Variants in SEMA3A observed in about 807,000 individuals in gnomAD.
The protein encoded by SEMA3A is semaphorin 3A, also known as semaphorin-3A.
A neutral mutation model predicts 97.9 loss-of-function variants in SEMA3A; 29 were observed. The observed-to-expected ratio is 0.30, with a 90% confidence interval of 0.22 to 0.40. SEMA3A has a LOEUF of 0.40. SEMA3A is among the 10% of genes least tolerant of loss of function. The pLI, the probability that SEMA3A is intolerant of heterozygous loss-of-function variation, is 1.00. For synonymous variants in SEMA3A, 321 were observed against 323.7 expected (o/e 0.99, Z 0.09); for missense variants, 763 against 951.3 (o/e 0.80, Z 2.60).
intron 1 of SEMA3A, among the ~76,000 whole-genome samples, chr7:84,383,218 TAATG>T (rs1370984280): frequency 1.3e-5 from 2 of 151,966 alleles, no homozygotes; most frequent in Admixed American, 6.6e-5. Context: ...AATTGAAAAA[TAATG>T]AATGATAGAG....
At chr7:84,177,121 T>A (rs1218879231) in intron 1 of SEMA3A, among the ~76,000 whole-genome samples, 1 of 152,082 alleles carries the variant, frequency 6.6e-6, no homozygotes, top group African/African-American at 2.4e-5. Context: ...CAAGAATCAC[T>A]TAAGTAAAAA....
At chr7:83,965,420 C>T (rs1788631428) in intron 15 of SEMA3A, among the ~76,000 whole-genome samples, 1 of 150,962 alleles carries the variant, frequency 6.6e-6, no homozygotes, top group Admixed American at 6.6e-5. Flanking sequence ...GTCTATTTTC[C>T]CAGGTAGAAA....
intron 2 of SEMA3A, among the ~76,000 whole-genome samples, chr7:84,313,203 GA>G (rs1456834818): frequency 2.1e-5 from 3 of 145,250 alleles, no homozygotes; most frequent in Non-Finnish European, 4.5e-5. Flanking sequence ...GATATTGCTA[GA>G]AAAGTTCCAA....
chr7:84,238,486 G>A (rs926253262), intron 3 of SEMA3A, among the ~76,000 whole-genome samples: 1 of 152,062 alleles, frequency 6.6e-6, no homozygotes, highest in Non-Finnish European at 1.5e-5. Flanking sequence ...CTCCAAACTT[G>A]TGGTTTAAAG....
intron 1 of SEMA3A, among the ~76,000 whole-genome samples, chr7:84,470,352 A>T (rs1806114484): frequency 6.6e-6 from 1 of 152,128 alleles, no homozygotes; most frequent in Non-Finnish European, 1.5e-5. Flanking sequence ...AATCAAAAAT[A>T]TATTTTATTC....
intron 5 of SEMA3A, among the ~76,000 whole-genome samples, chr7:84,051,002 C>T (rs1792608473): frequency 6.6e-6 from 1 of 151,704 alleles, no homozygotes; most frequent in Admixed American, 6.6e-5. Context: ...TCAGGTTTGT[C>T]AAAGATCAGA....
chr7:84,268,445 C>A (rs1281094709), intron 3 of SEMA3A, among the ~76,000 whole-genome samples: 1 of 151,898 alleles, frequency 6.6e-6, no homozygotes, highest in Non-Finnish European at 1.5e-5. Flanking sequence ...TCACTTGGGC[C>A]CAGGTGAAAA....
chr7:84,453,701 CG>C (rs1329383887), intron 1 of SEMA3A, among the ~76,000 whole-genome samples: 1 of 152,104 alleles, frequency 6.6e-6, no homozygotes, highest in Non-Finnish European at 1.5e-5. Context: ...AATATTCTAT[CG>C]TGTACATTAT....
At chr7:84,315,749 C>T (rs554367597) in intron 2 of SEMA3A, among the ~76,000 whole-genome samples, 70 of 152,072 alleles carry the variant, frequency 4.6e-4, no homozygotes, top group Admixed American at 7.2e-4. Flanking sequence ...AAACTTATTT[C>T]AATTACATTC....
At chr7:84,149,762 A>T (rs1796572396) in intron 1 of SEMA3A, among the ~76,000 whole-genome samples, 1 of 152,252 alleles carries the variant, frequency 6.6e-6, no homozygotes, top group African/African-American at 2.4e-5. Flanking sequence ...GTTTAGAGTG[A>T]AATATGATCC....
chr7:84,377,716 T>C (rs1803139842), intron 1 of SEMA3A, among the ~76,000 whole-genome samples: 1 of 152,136 alleles, frequency 6.6e-6, no homozygotes, highest in African/African-American at 2.4e-5. Context: ...TGATAGATAA[T>C]AAGCTTAGAT....
chr7:84,473,405 T>C (rs1806204734), intron 1 of SEMA3A, among the ~76,000 whole-genome samples: 2 of 149,608 alleles, frequency 1.3e-5, no homozygotes, highest in Non-Finnish European at 3.0e-5. Flanking sequence ...TTATTATTAT[T>C]ATTATTTGCG....
intron 2 of SEMA3A, among the ~76,000 whole-genome samples, chr7:84,331,982 C>T (rs1021537913): frequency 1.3e-5 from 2 of 152,120 alleles, no homozygotes; most frequent in African/African-American, 4.8e-5. Context: ...ATGAGCACAT[C>T]AATCTAAAAA....
At chr7:84,255,239 T>C (rs549990623) in intron 3 of SEMA3A, among the ~76,000 whole-genome samples, 1 of 152,294 alleles carries the variant, frequency 6.6e-6, no homozygotes, top group South Asian at 2.1e-4. Context: ...AATACAGGCA[T>C]TCTTTTGATA....
At chr7:84,061,245 G>T (rs977566653) in intron 4 of SEMA3A, among the ~76,000 whole-genome samples, 6 of 152,122 alleles carry the variant, frequency 3.9e-5, no homozygotes, top group African/African-American at 1.4e-4. Flanking sequence ...AGCCTGCTCT[G>T]TTGGGTCCCT....
rs1451955385 is a variant in SEMA3A, at chr7:84,364,392, TTAAG to T, written c.-169+7428_-169+7431del. On this transcript the variant is annotated intron_variant, in intron 2 of 3. Transcript: ENST00000424555. ...TCAAATAAAACTTTTAATTGTGTTA[TTAAG>T]TATTTACTTCTTAATTCAATTTCAT... 2.6e-5 allele frequency among the ~76,000 whole-genome samples: 4 copies of T among 151,914 alleles called. No individual in the cohort carries two copies. The East Asian group carries it at 5.8e-4, about 22-fold the overall frequency.
chr7:84,312,582 C>T lies in SEMA3A; in HGVS notation c.-168-5290G>A, dbSNP rs1460366456. On this transcript the variant is annotated intron_variant, in intron 2 of 3. Transcript: ENST00000424555. The stretch of plus-strand genomic sequence containing the variant: ...TTTTATAATATATACACATTATTTA[C>T]ATGTATATATACCTTATGAAACATA... Among the ~76,000 whole-genome samples the T allele has an allele frequency of 3.3e-5, 5 of 151,130 alleles. 1 individual carries two copies. The highest frequency in any genetic ancestry group is 1.2e-4 in the African/African-American group (5 of 41,316).
chr7:83,971,447 C>G lies in SEMA3A; in HGVS notation c.1717+5685G>C, dbSNP rs1229430715. ...AACTCCATCAAAAAAAAAAAAAAAA[C>G]CTAACAAACTATTTAATAATATCAT... is the stretch of plus-strand genomic sequence containing the variant. On this transcript the variant is annotated intron_variant, in intron 15 of 16. Coordinates refer to ENST00000265362, the MANE Select transcript of SEMA3A (RefSeq NM_006080.3). Among the ~76,000 whole-genome samples, 4 of 144,938 alleles carry G rather than the reference C, an allele frequency of 2.8e-5. No homozygotes were observed. In the Admixed American group the frequency reaches 2.8e-4, roughly 10 times the overall value.
At chr7:84,414,103 T>C (rs1287945390) in intron 1 of SEMA3A, among the ~76,000 whole-genome samples, 1 of 152,152 alleles carries the variant, frequency 6.6e-6, no homozygotes, top group Non-Finnish European at 1.5e-5. Flanking sequence ...CCGCACCAAC[T>C]TGAGCAATTT....
Sources: gnomAD v4.1 joint callset for allele counts (sites outside exome capture counted in the v4.1 genomes callset) on GRCh38, gnomAD v4.1.1 for gene constraint, MANE v1.5 for transcripts, NCBI Gene and HGNC (gene_info 2026-07-23, HGNC 2026-07-21) for gene names.